The following BRD10 variants were observed in gnomAD, a reference collection of about 807,000 sequenced individuals.
The protein encoded by BRD10 is uncharacterized bromodomain-containing protein 10.
chr9:5,939,280 A>C, the BRD10 span, among the ~76,000 whole-genome samples: 1 of 152,190 alleles, frequency 6.6e-6, no homozygotes, highest in East Asian at 1.9e-4. Flanking sequence ...TTATAACATT[A>C]TATGTAGTTT....
the BRD10 span, chr9:5,921,269 C>G: frequency 2.5e-5 from 41 of 1,613,846 alleles, no homozygotes; most frequent in Admixed American, 5.0e-5. Flanking sequence ...TATGTTTAGT[C>G]CAATTTTCAC....
At chr9:5,990,810 A>G in the BRD10 span, among the ~76,000 whole-genome samples, 1 of 152,240 alleles carries the variant, frequency 6.6e-6, no homozygotes, top group Non-Finnish European at 1.5e-5. Flanking sequence ...CAGTCTTTCT[A>G]GCAGTCAATT....
chr9:5,974,967 T>G, the BRD10 span, among the ~76,000 whole-genome samples: 1 of 152,182 alleles, frequency 6.6e-6, no homozygotes, highest in Non-Finnish European at 1.5e-5. Flanking sequence ...CTTAACTGCA[T>G]TCCAGGAAAA....
chr9:5,905,745 C>A, the BRD10 span, among the ~76,000 whole-genome samples: 9 of 152,294 alleles, frequency 5.9e-5, no homozygotes, highest in African/African-American at 2.2e-4. Flanking sequence ...CAATGTATAC[C>A]TTCCGTGTAT....
the BRD10 span, among the ~76,000 whole-genome samples, chr9:5,889,068 C>T: frequency 5.3e-5 from 8 of 152,330 alleles, no homozygotes; most frequent in East Asian, 1.5e-3. Flanking sequence ...GTCTGATCCA[C>T]TACATCTTTC....
the BRD10 span, among the ~76,000 whole-genome samples, chr9:6,001,054 G>A: frequency 6.6e-6 from 1 of 152,088 alleles, no homozygotes; most frequent in African/African-American, 2.4e-5. Flanking sequence ...GGTCCCCTAA[G>A]CATCACCACC....
At chr9:6,001,336 T>C in the BRD10 span, among the ~76,000 whole-genome samples, 4 of 133,408 alleles carry the variant, frequency 3.0e-5, no homozygotes. Flanking sequence ...TCGCAACCTG[T>C]GATGGATCTA....
the BRD10 span, among the ~76,000 whole-genome samples, chr9:5,992,678 GTTAC>G: frequency 2.7e-5 from 4 of 150,492 alleles, no homozygotes; most frequent in African/African-American, 9.8e-5. Flanking sequence ...AATAATTATG[GTTAC>G]TTATTGAGTT....
the BRD10 span, among the ~76,000 whole-genome samples, chr9:5,886,674 G>A: frequency 6.6e-5 from 10 of 152,182 alleles, no homozygotes; most frequent in Admixed American, 4.6e-4. Flanking sequence ...ATGAAGGCAG[G>A]TAGGGCCTGA....
At chr9:5,935,731 C>G in the BRD10 span, among the ~76,000 whole-genome samples, 1 of 152,090 alleles carries the variant, frequency 6.6e-6, no homozygotes, top group Admixed American at 6.5e-5. Flanking sequence ...GAAATTAAGA[C>G]GGGAAATATT....
chr9:5,969,600 G>A, the BRD10 span, among the ~76,000 whole-genome samples: 1 of 152,154 alleles, frequency 6.6e-6, no homozygotes, highest in Non-Finnish European at 1.5e-5. Flanking sequence ...CTGTAGTGCA[G>A]TGATGCAATC....
the BRD10 span, chr9:5,913,954 G>T: frequency 4.5e-6 from 2 of 441,580 alleles, no homozygotes; most frequent in East Asian, 7.2e-5. Flanking sequence ...ATGGCCTCGA[G>T]AAAGTCTTGG....
At chr9:5,967,324 C>T in the BRD10 span, among the ~76,000 whole-genome samples, 7 of 151,956 alleles carry the variant, frequency 4.6e-5, no homozygotes. Flanking sequence ...AGCAAAAGCA[C>T]CTAAGAAATT....
At chr9:5,957,740 T>C in the BRD10 span, among the ~76,000 whole-genome samples, 4 of 152,122 alleles carry the variant, frequency 2.6e-5, no homozygotes, top group African/African-American at 9.7e-5. Flanking sequence ...AAAAAAACAA[T>C]TTCAGTATAA....
the BRD10 span, among the ~76,000 whole-genome samples, chr9:5,982,845 T>C: frequency 6.6e-6 from 1 of 152,162 alleles, no homozygotes; most frequent in African/African-American, 2.4e-5. Flanking sequence ...GAGATTGGCA[T>C]CTGGGGAGGA....
chr9:5,926,074 C>A, the BRD10 span, among the ~76,000 whole-genome samples: 1 of 151,694 alleles, frequency 6.6e-6, no homozygotes, highest in Non-Finnish European at 1.5e-5. Context: ...CGCGCCACCA[C>A]AACTGGCTAA....
the BRD10 span, chr9:6,008,223 G>T: frequency 1.0e-6 from 1 of 978,190 alleles, no homozygotes; most frequent in Non-Finnish European, 1.2e-6. Flanking sequence ...CCCGGAGGGG[G>T]CCGCAGCGGC....
At chr9:5,932,307 A>G in the BRD10 span, among the ~76,000 whole-genome samples, 1 of 152,150 alleles carries the variant, frequency 6.6e-6, no homozygotes, top group Non-Finnish European at 1.5e-5. Flanking sequence ...TGAAATTATT[A>G]AAGTTGAAAG....
chr9:5,943,021 G>A, the BRD10 span, among the ~76,000 whole-genome samples: 1 of 152,126 alleles, frequency 6.6e-6, no homozygotes, highest in East Asian at 1.9e-4. Flanking sequence ...GGGACTACAG[G>A]CATGCACCAC....
Sources: allele counts gnomAD v4.1 joint callset (sites outside exome capture counted in the v4.1 genomes callset), GRCh38; gene constraint gnomAD v4.1.1; transcripts MANE v1.5; gene names NCBI Gene and HGNC (gene_info 2026-07-23, HGNC 2026-07-21).